Variants in SYT1 observed in about 807,000 individuals in gnomAD.
The protein encoded by SYT1 is synaptotagmin-1.
Under a neutral mutation model 44.8 loss-of-function variants are expected in SYT1, and 8 were observed. The observed-to-expected ratio is 0.18, with a 90% confidence interval of 0.10 to 0.32. SYT1 has a LOEUF of 0.32. Ranked by LOEUF, SYT1 falls within the 10% of genes least tolerant of loss-of-function variation. The pLI is 1.00. For synonymous variants in SYT1, 154 were observed against 188.8 expected, an observed-to-expected ratio of 0.82 and a Z score of 1.51; for missense variants, 286 against 509.3, an observed-to-expected ratio of 0.56 and a Z score of 4.22.
chr12:79,111,090 A>G (rs1878985588), intron 3 of SYT1, among the ~76,000 whole-genome samples: 1 of 152,132 alleles, frequency 6.6e-6, no homozygotes, highest in African/African-American at 2.4e-5. Flanking sequence ...AGGATGTTCT[A>G]AATGTAAATT....
chr12:79,314,832 T>C (rs73351102), intron 8 of SYT1, among the ~76,000 whole-genome samples: 1,611 of 152,326 alleles, frequency 0.011, 31 homozygotes, highest in African/African-American at 0.037. Flanking sequence ...CATCAAGTGA[T>C]GAATGGATAA....
At chr12:78,870,074 T>C (rs948368667) in intron 1 of SYT1, among the ~76,000 whole-genome samples, 1 of 152,080 alleles carries the variant, frequency 6.6e-6, no homozygotes, top group African/African-American at 2.4e-5. Context: ...AATTTCCATG[T>C]AGAACGGGAA....
chr12:78,975,571 T>C (rs559828440), intron 1 of SYT1, among the ~76,000 whole-genome samples: 43 of 152,322 alleles, frequency 2.8e-4, no homozygotes, highest in Admixed American at 7.2e-4. Context: ...TGATTCTAGT[T>C]GAATCTGTGT....
At chr12:79,395,280 G>A (rs181275833) in intron 9 of SYT1, among the ~76,000 whole-genome samples, 6 of 152,144 alleles carry the variant, frequency 3.9e-5, no homozygotes, top group Admixed American at 2.0e-4. Context: ...GTGCAGTGGC[G>A]CAATCTCAGC....
At chr12:78,942,535 G>A (rs547813657) in intron 1 of SYT1, among the ~76,000 whole-genome samples, 17 of 152,056 alleles carry the variant, frequency 1.1e-4, no homozygotes, top group South Asian at 8.3e-4. Flanking sequence ...ATGTCAAAGC[G>A]TCCATGTCCT....
chr12:79,085,299 G>A (rs1213648857), intron 3 of SYT1, among the ~76,000 whole-genome samples: 3 of 152,090 alleles, frequency 2.0e-5, no homozygotes, highest in Non-Finnish European at 4.4e-5. Context: ...TTTTCCACTT[G>A]TGGCGTCATG....
At chr12:79,032,097 A>C (rs1365839558) in intron 2 of SYT1, among the ~76,000 whole-genome samples, 1 of 151,128 alleles carries the variant, frequency 6.6e-6, no homozygotes, top group African/African-American at 2.4e-5. Flanking sequence ...TAGCTCCATG[A>C]TTCAACTGTA....
chr12:79,408,386 C>T (rs936516630), intron 9 of SYT1, among the ~76,000 whole-genome samples: 5 of 152,106 alleles, frequency 3.3e-5, no homozygotes, highest in African/African-American at 1.2e-4. Flanking sequence ...GGGAGGAGGC[C>T]TCCAGAAAAC....
At chr12:79,262,744 G>A (rs1347737279) in intron 4 of SYT1, among the ~76,000 whole-genome samples, 6 of 152,122 alleles carry the variant, frequency 3.9e-5, no homozygotes, top group Non-Finnish European at 7.3e-5. Flanking sequence ...ATGCTATTTA[G>A]CACCTTCCCT....
chr12:79,256,573 A>G (rs531464734), intron 4 of SYT1, among the ~76,000 whole-genome samples: 38 of 151,718 alleles, frequency 2.5e-4, no homozygotes, highest in African/African-American at 8.4e-4. Context: ...GTCCAGTGAT[A>G]GAAACATGTA....
At chr12:79,391,406 CA>C (rs1372406394) in intron 9 of SYT1, among the ~76,000 whole-genome samples, 1 of 152,188 alleles carries the variant, frequency 6.6e-6, no homozygotes, top group East Asian at 1.9e-4. Context: ...AAGAAGCTTT[CA>C]AAAATCCCTT....
intron 3 of SYT1, among the ~76,000 whole-genome samples, chr12:79,136,214 A>C (rs944042611): frequency 1.3e-5 from 2 of 152,218 alleles, no homozygotes; most frequent in Non-Finnish European, 2.9e-5. Flanking sequence ...GCTACCATCT[A>C]TTGAACTCTT....
chr12:79,428,899 C>T, intron 9 of SYT1, among the ~76,000 whole-genome samples: 1 of 152,100 alleles, frequency 6.6e-6, no homozygotes, highest in East Asian at 1.9e-4. Context: ...TGCTGAGGAC[C>T]TCAGGAAGCT....
chr12:79,156,512 G>T (rs1047415655), intron 3 of SYT1, among the ~76,000 whole-genome samples: 1 of 151,976 alleles, frequency 6.6e-6, no homozygotes. Context: ...CTGTCTCCCA[G>T]GCTGGAGTGC....
At chr12:78,894,330 GT>G (rs566175647) in intron 1 of SYT1, among the ~76,000 whole-genome samples, 5 of 27,728 alleles carry the variant, frequency 1.8e-4, no homozygotes, top group Admixed American at 7.0e-4. Context: ...TTTTTAATCT[GT>G]TTTTTTTTTT....
At chr12:79,130,170 G>T (rs1868715882) in intron 3 of SYT1, among the ~76,000 whole-genome samples, 1 of 152,078 alleles carries the variant, frequency 6.6e-6, no homozygotes, top group South Asian at 2.1e-4. Flanking sequence ...ATTTTTTCAG[G>T]AATAAAGTGT....
intron 1 of SYT1, among the ~76,000 whole-genome samples, chr12:78,960,080 C>T (rs913895649): frequency 6.6e-6 from 1 of 151,756 alleles, no homozygotes; most frequent in African/African-American, 2.4e-5. Context: ...AAAATTTTAC[C>T]GTCTAATAGT....
At chr12:79,031,228 CTCTAT>C (rs1156601810) in intron 2 of SYT1, among the ~76,000 whole-genome samples, 1 of 150,964 alleles carries the variant, frequency 6.6e-6, no homozygotes, top group Non-Finnish European at 1.5e-5. Context: ...CATGTTAAAA[CTCTAT>C]TCTAGAAAAT....
chr12:78,883,899 G>C (rs916761645), intron 1 of SYT1, among the ~76,000 whole-genome samples: 1 of 151,418 alleles, frequency 6.6e-6, no homozygotes, highest in Non-Finnish European at 1.5e-5. Context: ...ACATGAAAGT[G>C]ATATTTTTAA....
Sources: gnomAD v4.1 joint callset for allele counts (sites outside exome capture counted in the v4.1 genomes callset) on GRCh38, gnomAD v4.1.1 for gene constraint, MANE v1.5 for transcripts, NCBI Gene and HGNC (gene_info 2026-07-23, HGNC 2026-07-21) for gene names.